HDAC9: variants seen among roughly 807,000 people sequenced by gnomAD.
HDAC9 encodes the protein MEF-2 interacting transcription repressor (MITR) protein.
HDAC9 carries 41 observed loss-of-function variants against 139.4 expected under a neutral mutation model. The observed-to-expected ratio is 0.29, with a 90% CI of 0.23 to 0.38. The LOEUF (loss-of-function observed/expected upper bound fraction) is 0.38. Among genes scored for constraint, HDAC9 ranks in the 10% least tolerant of loss-of-function variants. The pLI is 1.00. For missense variants in HDAC9, 1,147 were observed against 1,297.0 expected (o/e 0.88, Z 1.78); for synonymous variants, 517 against 476.2 (o/e 1.09, Z -1.12).
intron 1 of HDAC9, among the ~76,000 whole-genome samples, chr7:18,135,571 C>A (rs1488983157): frequency 4.7e-5 from 6 of 126,966 alleles, no homozygotes; most frequent in South Asian, 2.8e-4. Flanking sequence ...TTTGTTCTTG[C>A]GATAGTTTAC....
intron 2 of HDAC9, among the ~76,000 whole-genome samples, chr7:18,199,314 T>C (rs1562739096): frequency 6.6e-6 from 1 of 152,222 alleles, no homozygotes; most frequent in African/African-American, 2.4e-5. Flanking sequence ...TCTGGATTTC[T>C]TGTGAAGTTT....
intron 12 of HDAC9, among the ~76,000 whole-genome samples, chr7:18,681,759 A>G (rs989173523): frequency 6.6e-6 from 1 of 152,052 alleles, no homozygotes; most frequent in African/African-American, 2.4e-5. Context: ...AGTTAGATTA[A>G]GTCACACAGA....
At chr7:18,310,295 T>G (rs1461793094) in intron 1 of HDAC9, among the ~76,000 whole-genome samples, 1 of 152,210 alleles carries the variant, frequency 6.6e-6, no homozygotes, top group Non-Finnish European at 1.5e-5. Flanking sequence ...CTACACGGTT[T>G]TGAAAAACAC....
chr7:18,737,103 C>T (rs543208219), intron 13 of HDAC9, among the ~76,000 whole-genome samples: 59 of 151,788 alleles, frequency 3.9e-4, no homozygotes, highest in South Asian at 2.9e-3. Context: ...TTTTTTATTG[C>T]GTCTATTTGA....
chr7:18,671,246 C>T (rs531444809), intron 12 of HDAC9, among the ~76,000 whole-genome samples: 6 of 152,072 alleles, frequency 3.9e-5, no homozygotes, highest in Non-Finnish European at 7.4e-5. Context: ...ACAGTTGTCA[C>T]GTTCTAGACC....
intron 1 of HDAC9, among the ~76,000 whole-genome samples, chr7:18,334,495 T>A (rs1406794476): frequency 6.6e-6 from 1 of 151,516 alleles, no homozygotes; most frequent in African/African-American, 2.4e-5. Context: ...ATTTCATAAT[T>A]TGTCAAATGC....
At chr7:18,188,769 A>G (rs988083282) in intron 2 of HDAC9, among the ~76,000 whole-genome samples, 3 of 152,262 alleles carry the variant, frequency 2.0e-5, no homozygotes, top group African/African-American at 7.2e-5. Flanking sequence ...CATCAGAGAA[A>G]TGCAAATCAA....
intron 1 of HDAC9, among the ~76,000 whole-genome samples, chr7:18,467,993 T>C (rs767458240): frequency 3.9e-5 from 6 of 152,162 alleles, no homozygotes; most frequent in Non-Finnish European, 8.8e-5. Context: ...TTTTTCTTCA[T>C]GGTTAGACTT....
intron 11 of HDAC9, among the ~76,000 whole-genome samples, chr7:18,654,858 G>A (rs1282918657): frequency 3.3e-5 from 5 of 152,100 alleles, no homozygotes; most frequent in African/African-American, 9.7e-5. Flanking sequence ...GTCTTTGCAC[G>A]TGGACCTGAC....
At chr7:18,982,416 C>G (rs1004213503) in intron 25 of HDAC9, among the ~76,000 whole-genome samples, 1 of 152,022 alleles carries the variant, frequency 6.6e-6, no homozygotes, top group Non-Finnish European at 1.5e-5. Context: ...AGACTCATAC[C>G]TATAATTCCT....
chr7:18,486,917 A>G (rs1442527240), intron 1 of HDAC9, among the ~76,000 whole-genome samples: 2 of 152,100 alleles, frequency 1.3e-5, no homozygotes, highest in Non-Finnish European at 2.9e-5. Flanking sequence ...TGTTTTATCT[A>G]CATTTCTGTA....
chr7:18,830,660 A>T (rs1795796137), intron 19 of HDAC9, among the ~76,000 whole-genome samples: 1 of 152,160 alleles, frequency 6.6e-6, no homozygotes, highest in Admixed American at 6.5e-5. Context: ...AACGATACCC[A>T]TTTGTTGTGC....
chr7:18,921,098 A>G (rs867912441), intron 22 of HDAC9, among the ~76,000 whole-genome samples: 1 of 152,278 alleles, frequency 6.6e-6, no homozygotes, highest in African/African-American at 2.4e-5. Flanking sequence ...TGGATTAAAG[A>G]CTTACATGTT....
intron 2 of HDAC9, among the ~76,000 whole-genome samples, chr7:18,556,352 C>T (rs1818802285): frequency 6.6e-6 from 1 of 152,058 alleles, no homozygotes; most frequent in Non-Finnish European, 1.5e-5. Flanking sequence ...TTCATTCCTT[C>T]ATTCAATAAT....
chr7:18,671,722 C>G (rs900439972), intron 12 of HDAC9, among the ~76,000 whole-genome samples: 2 of 152,008 alleles, frequency 1.3e-5, no homozygotes, highest in African/African-American at 4.8e-5. Flanking sequence ...AGCAGTCACT[C>G]CCACTCCACG....
At chr7:18,099,498 A>G (rs1782714377) in intron 1 of HDAC9, among the ~76,000 whole-genome samples, 1 of 151,976 alleles carries the variant, frequency 6.6e-6, no homozygotes, top group African/African-American at 2.4e-5. Context: ...AATAAAGTTC[A>G]TCAAAGGCCT....
At chr7:18,588,967 T>A (rs1252684340) in intron 3 of HDAC9, among the ~76,000 whole-genome samples, 2 of 152,058 alleles carry the variant, frequency 1.3e-5, no homozygotes, top group Non-Finnish European at 2.9e-5. Context: ...TAATAATAAT[T>A]AAAATCAGTA....
rs577600671 is a variant in HDAC9 at position 18,677,794 on chromosome 7, T to A, written c.1731+11318T>A. On this transcript the variant is annotated intron_variant, in intron 12 of 25. Coordinates refer to ENST00000686413, the MANE Select transcript of HDAC9 (RefSeq NM_178425.4). ...TATGTTACAAATAATTTCACCTACT[T>A]TGTCATTGGCCTTCCATTTTGAAGA... Among the ~76,000 whole-genome samples, 16 of 152,056 alleles carry A rather than the reference T, an allele frequency of 1.1e-4. No homozygotes were observed. The South Asian group carries it at 3.3e-3, about 32-fold the overall frequency.
chr7:18,604,526 C>A (rs1027929368), intron 6 of HDAC9, among the ~76,000 whole-genome samples: 1 of 151,850 alleles, frequency 6.6e-6, no homozygotes, highest in Non-Finnish European at 1.5e-5. Flanking sequence ...CCTGCCTCAG[C>A]CTCCCGAGAA....
Sources: allele counts gnomAD v4.1 joint callset (sites outside exome capture counted in the v4.1 genomes callset), GRCh38; gene constraint gnomAD v4.1.1; transcripts MANE v1.5; gene names NCBI Gene and HGNC (gene_info 2026-07-23, HGNC 2026-07-21).